Variants in AGO1 observed in about 807,000 individuals in gnomAD.
AGO1 encodes the protein protein argonaute-1.
Under a neutral mutation model 109.2 loss-of-function variants are expected in AGO1, and 11 were observed. The observed-to-expected ratio is 0.10, with a 90% CI of 0.06 to 0.17. The LOEUF is 0.17. Among genes scored for constraint, AGO1 ranks in the 10% least tolerant of loss-of-function variants. The pLI, the probability that AGO1 is intolerant of heterozygous loss-of-function variation, is 1.00. For synonymous variants in AGO1, 422 were observed against 418.6 expected (o/e 1.01, Z -0.10); for missense variants, 574 against 1,140.3 (o/e 0.50, Z 7.15).
At chr1:35,906,121 C>T (rs894752050) in intron 11 of AGO1, among the ~76,000 whole-genome samples, 3 of 152,188 alleles carry the variant, frequency 2.0e-5, no homozygotes, top group Non-Finnish European at 4.4e-5. Flanking sequence ...TGTGTGTCCT[C>T]TCTTGCAACT....
At chr1:35,918,155 G>C (rs1289677249) in intron 16 of AGO1, among the ~76,000 whole-genome samples, 167 bp from the exon 17 acceptor site, 2 of 152,176 alleles carry the variant, frequency 1.3e-5, no homozygotes, top group Admixed American at 6.5e-5. Flanking sequence ...CTTGAACACA[G>C]GTCTGTGTGA....
chr1:35,919,195 C>T lies in AGO1; in HGVS notation c.2406C>T (p.Tyr802=), dbSNP rs139104482. ...TRSVSIPAPA[Y]YARLVAFRAR... ...CTGTCTCTATCCCAGCACCTGCCTA[C>T]TATGCCCGCCTGGTGGCTTTCCGGG... The change falls in exon 18 of 19, where the codon TAC becomes TAT. Residue 802 remains tyrosine (Y), a synonymous_variant. Transcript: ENST00000373204. The surrounding 1 kb of genome is among the most constrained non-coding windows in gnomAD (Gnocchi z 6.6). The T allele has an allele frequency of 3.5e-5, 56 of 1,614,218 alleles. No individual in the cohort carries two copies. The East Asian group carries it at 1.2e-3, about 36-fold the overall frequency.
chr1:35,888,557 G>T lies in AGO1; in HGVS notation c.156G>T (p.Val52=). 6.2e-7 allele frequency: 1 copy of T among 1,614,222 alleles called. No homozygotes were observed. The highest frequency in any genetic ancestry group is 2.2e-5 in the East Asian group (1 of 44,886). The change falls in exon 2 of 19, where the codon GTG becomes GTT. Residue 52 remains valine (V), a synonymous_variant. Transcript: ENST00000373204. This position sits in a 1 kb window ranked among gnomAD's most constrained non-coding sequence, Gnocchi z 4.1. The part of the protein sequence containing the change: ...YFEVDIPKID[V]YHYEVDIKPD... ...AGGTGGACATCCCTAAGATCGACGT[G>T]TACCACTACGAGGTGGACATCAAGC...
intron 11 of AGO1, among the ~76,000 whole-genome samples, chr1:35,906,076 ATCTT>A: frequency 6.6e-6 from 1 of 152,280 alleles, no homozygotes; most frequent in Non-Finnish European, 1.5e-5. Context: ...GTTTTTGAGT[ATCTT>A]TATGTAGCTT....
In AGO1 at chr1:35,907,098, C is replaced by G; in HGVS notation, c.1561C>G (p.Pro521Ala). The G allele has an allele frequency of 6.2e-7, 1 of 1,613,360 alleles. No individual in the cohort carries two copies. Among genetic ancestry groups the G allele is most frequent in the Non-Finnish European group, 8.5e-7 (1 of 1,179,578 alleles). The part of the protein sequence containing the change: ...SGLQLIIVIL[P>A]GKTPVYAEVK... ...GCTGCAGCTCATTATTGTCATCCTG[C>G]CAGGGAAGACGCCGGTGTATGGTAC... Residue 521 changes from proline (P) to alanine (A), a missense_variant, in exon 12 of 19, where the codon CCA becomes GCA. By Grantham distance (27) the Pro-to-Ala change is conservative. Around this residue, in one of 8 missense-constraint regions of AGO1, gnomAD observed 68 missense variants for 200.2 expected, o/e 0.34. Transcript: ENST00000373204.
rs564808145 is a variant in AGO1 at position 35,886,584 on chromosome 1, C to T, written c.26-1843C>T. Among the ~76,000 whole-genome samples, 39 of 152,078 alleles carry T rather than the reference C, an allele frequency of 2.6e-4. 1 individual carries two copies. Among genetic ancestry groups the T allele is most frequent in the African/African-American group, 8.7e-4 (36 of 41,452 alleles). On this transcript the variant is annotated intron_variant, in intron 1 of 18. Transcript: ENST00000373204. ...TAGGAGTTATCTTTCTCCGAAGGCC[C>T]CAAATGATTATTCAGTCTGGGAGGG...
rs965758670 is a variant in AGO1, at chr1:35,893,377, A to G, written c.512+99A>G. On this transcript the variant is annotated intron_variant, in intron 4 of 18. Coordinates refer to ENST00000373204, the MANE Select transcript of AGO1 (RefSeq NM_012199.5). This position sits in a 1 kb window ranked among gnomAD's most constrained non-coding sequence, Gnocchi z 5.6. ...TTAAGGTCCCACAGAGTGCCATTAA[A>G]AAAAAAAATTATTTGAAGCCCTACC... The G allele has an allele frequency of 5.7e-5, 77 of 1,340,186 alleles. No homozygotes were observed. The highest frequency in any genetic ancestry group is 7.4e-5 in the Non-Finnish European group (73 of 986,258). 83.0% of individuals were successfully genotyped at this position (1,340,186 alleles called of 1,614,324 possible).
chr1:35,926,079 G>A lies in AGO1; in HGVS notation c.*6472G>A, dbSNP rs1645921198. On this transcript the variant is annotated 3_prime_UTR_variant, in exon 19 of 19. Transcript: ENST00000373204. ...TGAACTTGAAGAGCAGATTGGACAT[G>A]GAGCAGATTTTGACCAGTTGAAATA... The A allele has an allele frequency of 6.6e-6, 1 of 152,214 alleles. No homozygotes were observed. Among genetic ancestry groups the A allele is most frequent in the Non-Finnish European group, 1.5e-5 (1 of 68,062 alleles). 9.4% of individuals were successfully genotyped at this position (152,214 alleles called of 1,614,324 possible).
At chr1:35,875,811 C>T (rs916903105) in intron 1 of AGO1, among the ~76,000 whole-genome samples, 3 of 152,184 alleles carry the variant, frequency 2.0e-5, no homozygotes, top group Admixed American at 6.5e-5. Context: ...CCTGGTCACC[C>T]AAGAGCTCTG....
chr1:35,896,263 T>C (rs1389849074), intron 8 of AGO1, among the ~76,000 whole-genome samples: 1 of 152,248 alleles, frequency 6.6e-6, no homozygotes, highest in Non-Finnish European at 1.5e-5. Flanking sequence ...CCTCCCAAAG[T>C]GCTGGGATTA....
chr1:35,919,508 G>A lies in AGO1; in HGVS notation c.2475G>A (p.Gly825=). ...ATTTTTTCCTTTTCAGTGGAGAGGG[G>A]AGCCACATATCGGGGCAGAGCAATG... The part of the protein sequence containing the change: ...LVDKEHDSGE[G]SHISGQSNGR... Residue 825 remains glycine (G), a synonymous_variant, in exon 19 of 19, where the codon GGG becomes GGA. Coordinates refer to ENST00000373204, the MANE Select transcript of AGO1 (RefSeq NM_012199.5). The surrounding 1 kb of genome is among the most constrained non-coding windows in gnomAD (Gnocchi z 6.6). The A allele has an allele frequency of 6.2e-7, 1 of 1,613,546 alleles. No individual in the cohort carries two copies. Among genetic ancestry groups the A allele is most frequent in the Non-Finnish European group, 8.5e-7 (1 of 1,179,726 alleles).
chr1:35,885,219 C>T (rs553098437), intron 1 of AGO1, among the ~76,000 whole-genome samples: 1 of 152,268 alleles, frequency 6.6e-6, no homozygotes, highest in East Asian at 1.9e-4. Context: ...GGACTATTTC[C>T]AACAACCCAT....
upstream of AGO1, chr1:35,882,954 T>A: frequency 2.1e-6 from 2 of 969,536 alleles, no homozygotes; most frequent in Non-Finnish European, 2.5e-6. This position sits in a 1 kb window ranked among gnomAD's most constrained non-coding sequence, Gnocchi z 5.1. Flanking sequence ...AGGGACCTAT[T>A]TGGGGAAAAG....
rs1404662978 is a variant in AGO1 at position 35,923,340 on chromosome 1, A to G, written c.*3733A>G. On this transcript the variant is annotated 3_prime_UTR_variant, in exon 19 of 19. Coordinates refer to ENST00000373204, the MANE Select transcript of AGO1 (RefSeq NM_012199.5). ...ACTCAAGATGGGCAGCCAAGGGTGC[A>G]CTGACTATTAGCTGGCCCATAGGAT... is the stretch of plus-strand genomic sequence containing the variant. The G allele has an allele frequency of 1.3e-5, 2 of 152,192 alleles. No individual in the cohort carries two copies. Among genetic ancestry groups the G allele is most frequent in the African/African-American group, 4.8e-5 (2 of 41,432 alleles). The allele number at this position is 152,192 out of a possible 1,614,324, so 9.4% of individuals were successfully genotyped here.
intron 16 of AGO1, 66 bp from the exon 17 acceptor site, chr1:35,918,256 T>C: frequency 1.6e-6 from 2 of 1,283,958 alleles, no homozygotes; most frequent in Admixed American, 1.7e-5. Flanking sequence ...CAGAGTAGAA[T>C]TGAGCCAGGG....
At chr1:35,881,384 G>C (rs1039904861), upstream of AGO1, among the ~76,000 whole-genome samples, 2 of 152,058 alleles carry the variant, frequency 1.3e-5, no homozygotes, top group African/African-American at 4.8e-5. Flanking sequence ...ACAATGGCGT[G>C]ATCTCAGCTC....
intron 1 of AGO1, among the ~76,000 whole-genome samples, chr1:35,884,122 A>G (rs1377014645): frequency 6.7e-6 from 1 of 149,942 alleles, no homozygotes; most frequent in Non-Finnish European, 1.5e-5. Flanking sequence ...GCTTGGAAAA[A>G]GGAGCGCGCT....
intron 12 of AGO1, among the ~76,000 whole-genome samples, chr1:35,910,549 A>G (rs1056502181): frequency 4.6e-5 from 7 of 152,078 alleles, no homozygotes; most frequent in Non-Finnish European, 1.0e-4. Flanking sequence ...ACCAGTGGTA[A>G]CCACTATTCT....
At chr1:35,892,963 G>A (rs1645249029) in intron 3 of AGO1, 134 bp from the exon 4 acceptor site, 1 of 998,676 alleles carries the variant, frequency 1.0e-6, no homozygotes, top group Admixed American at 2.4e-5. Context: ...AACCTAAGGG[G>A]CTAGACTTAC....
Sources: allele counts gnomAD v4.1 joint callset (sites outside exome capture counted in the v4.1 genomes callset), GRCh38; gene constraint gnomAD v4.1.1; regional missense constraint gnomAD v4.1.1; non-coding constraint Gnocchi (gnomAD v3.1); transcripts MANE v1.5; gene names NCBI Gene and HGNC (gene_info 2026-07-23, HGNC 2026-07-21).